CADM2: variants seen among roughly 807,000 people sequenced by gnomAD.
CADM2 encodes the protein cell adhesion molecule 2.
Under a neutral mutation model 49.8 loss-of-function variants are expected in CADM2, and 12 were observed. The observed-to-expected ratio is 0.24, with a 90% CI of 0.15 to 0.39. The LOEUF is 0.39. Ranked by LOEUF, CADM2 falls within the 10% of genes least tolerant of loss-of-function variation. The pLI is 1.00. For synonymous variants in CADM2, 214 were observed against 175.4 expected (o/e 1.22, Z -1.74); for missense variants, 378 against 492.3 (o/e 0.77, Z 2.20).
intron 3 of CADM2, among the ~76,000 whole-genome samples, chr3:85,808,967 C>G (rs2072636921): frequency 6.6e-6 from 1 of 152,174 alleles, no homozygotes; most frequent in Non-Finnish European, 1.5e-5. Context: ...TGCCACCTGA[C>G]TGTATATCTC....
chr3:85,218,855 G>C (rs193265431), intron 1 of CADM2, among the ~76,000 whole-genome samples: 1 of 152,200 alleles, frequency 6.6e-6, no homozygotes, highest in Admixed American at 6.5e-5. Context: ...CAAATCATAG[G>C]TATTCAGATG....
chr3:85,533,385 T>C (rs187176381), intron 1 of CADM2, among the ~76,000 whole-genome samples: 1 of 152,338 alleles, frequency 6.6e-6, no homozygotes, highest in Admixed American at 6.5e-5. Context: ...CTATTATGCA[T>C]ACTTTAAAAT....
At chr3:85,815,609 G>C (rs1393952613) in intron 3 of CADM2, among the ~76,000 whole-genome samples, 1 of 152,074 alleles carries the variant, frequency 6.6e-6, no homozygotes, top group Non-Finnish European at 1.5e-5. Flanking sequence ...AATAATAAGA[G>C]CTATTTATGA....
chr3:85,559,127 T>C (rs1349129455), intron 1 of CADM2, among the ~76,000 whole-genome samples: 1 of 152,128 alleles, frequency 6.6e-6, no homozygotes, highest in East Asian at 1.9e-4. Flanking sequence ...TGTTTTACTC[T>C]CCATTTATTT....
At chr3:85,667,624 C>A (rs1388805387) in intron 1 of CADM2, among the ~76,000 whole-genome samples, 1 of 152,014 alleles carries the variant, frequency 6.6e-6, no homozygotes, top group African/African-American at 2.4e-5. Context: ...CCAGATGTCT[C>A]TCTGAATTTT....
chr3:85,955,532 G>A (rs1723950142), intron 7 of CADM2, among the ~76,000 whole-genome samples: 1 of 151,458 alleles, frequency 6.6e-6, no homozygotes, highest in Non-Finnish European at 1.5e-5. Context: ...TCCATTCTCA[G>A]TACCTAGGGA....
intron 1 of CADM2, among the ~76,000 whole-genome samples, chr3:85,644,657 G>T (rs890494877): frequency 5.3e-5 from 8 of 152,212 alleles, no homozygotes; most frequent in Non-Finnish European, 1.2e-4. Context: ...CACTCTCATG[G>T]AATGACCGTT....
At chr3:85,450,946 A>C (rs2037722898) in intron 1 of CADM2, among the ~76,000 whole-genome samples, 1 of 152,086 alleles carries the variant, frequency 6.6e-6, no homozygotes. Flanking sequence ...TCAAACTGGA[A>C]CAGTTTTAAA....
At chr3:85,916,536 G>A (rs929260347) in intron 6 of CADM2, among the ~76,000 whole-genome samples, 10 of 151,834 alleles carry the variant, frequency 6.6e-5, no homozygotes, top group African/African-American at 2.2e-4. Flanking sequence ...ATTCCATGGT[G>A]TATATGTGCC....
chr3:85,021,462 G>GT, intron 1 of CADM2, among the ~76,000 whole-genome samples: 1 of 148,656 alleles, frequency 6.7e-6, no homozygotes, highest in African/African-American at 2.5e-5. Context: ...TGTTGTTGTT[G>GT]TTTTTTCCTC....
intron 3 of CADM2, among the ~76,000 whole-genome samples, chr3:85,819,180 T>TGA (rs2073400378): frequency 6.6e-6 from 1 of 152,174 alleles, no homozygotes; most frequent in Non-Finnish European, 1.5e-5. Flanking sequence ...GGGAAGAAGA[T>TGA]GAAAGCCAGA....
At chr3:85,646,213 T>C (rs1416279553) in intron 1 of CADM2, among the ~76,000 whole-genome samples, 1 of 152,050 alleles carries the variant, frequency 6.6e-6, no homozygotes, top group Non-Finnish European at 1.5e-5. Context: ...CAACCTGAAC[T>C]GTTTCCTAGA....
At chr3:85,396,766 T>A (rs1222579205) in intron 1 of CADM2, among the ~76,000 whole-genome samples, 1 of 152,012 alleles carries the variant, frequency 6.6e-6, no homozygotes, top group East Asian at 1.9e-4. Flanking sequence ...AAAATTAATT[T>A]AAAATGGATC....
At chr3:85,524,774 C>T (rs1405628644) in intron 1 of CADM2, among the ~76,000 whole-genome samples, 1 of 151,970 alleles carries the variant, frequency 6.6e-6, no homozygotes, top group African/African-American at 2.4e-5. Context: ...CTTAGAGTTC[C>T]ATTAGTTTTG....
At chr3:85,776,074 A>G (rs1225135935) in intron 2 of CADM2, among the ~76,000 whole-genome samples, 1 of 151,792 alleles carries the variant, frequency 6.6e-6, no homozygotes, top group East Asian at 1.9e-4. Context: ...GGGGGTTATA[A>G]TGAGAATATA....
At chr3:85,400,680 G>A (rs545581711) in intron 1 of CADM2, among the ~76,000 whole-genome samples, 55 of 150,556 alleles carry the variant, frequency 3.7e-4, no homozygotes, top group African/African-American at 1.2e-3. Flanking sequence ...ATTCTTGGGA[G>A]GGTGTATGTG....
At chr3:86,013,415 A>G in intron 8 of CADM2, 12 of 1,554,678 alleles carry the variant, frequency 7.7e-6, no homozygotes, top group Non-Finnish European at 1.1e-5. Context: ...AAGAAATCCC[A>G]GAAGGTCTCT....
chr3:86,006,600 T>C (rs1730821074), intron 8 of CADM2, among the ~76,000 whole-genome samples: 3 of 152,134 alleles, frequency 2.0e-5, no homozygotes, highest in Admixed American at 1.3e-4. Flanking sequence ...CTGCCACATG[T>C]AACAAGTGAG....
intron 1 of CADM2, among the ~76,000 whole-genome samples, chr3:85,233,736 T>G (rs2042351627): frequency 6.6e-6 from 1 of 152,124 alleles, no homozygotes; most frequent in African/African-American, 2.4e-5. Flanking sequence ...TCTCAATGGT[T>G]TAGAAAGATT....
Sources: gnomAD v4.1 joint callset for allele counts (sites outside exome capture counted in the v4.1 genomes callset) on GRCh38, gnomAD v4.1.1 for gene constraint, MANE v1.5 for transcripts, NCBI Gene and HGNC (gene_info 2026-07-23, HGNC 2026-07-21) for gene names.